The following MTX2 variants were observed in gnomAD, a reference collection of about 807,000 sequenced individuals.
The protein encoded by MTX2 is metaxin-2.
In MTX2, 35 loss-of-function variants were observed where a neutral mutation model predicts 42.3. The ratio of observed to expected loss-of-function variants is 0.83; its 90% confidence interval spans 0.63 to 1.10. The LOEUF (loss-of-function observed/expected upper bound fraction) is 1.10, where lower values mean the gene tolerates loss of function less well. MTX2 is among the 50% of genes least tolerant of loss of function. MTX2 has a pLI of 0.00. For missense variants in MTX2, 307 were observed against 304.1 expected (o/e 1.01, Z -0.07); for synonymous variants, 119 against 100.9 (o/e 1.18, Z -1.08).
chr2:176,326,768 C>T (rs1020502906), intron 4 of MTX2, 57 bp from the exon 5 acceptor site: 6 of 1,094,578 alleles, frequency 5.5e-6, no homozygotes, highest in African/African-American at 3.3e-5. Flanking sequence ...TTTTAATTAT[C>T]ACAAACTTTA....
chr2:176,301,610 G>T (rs1399590185), intron 3 of MTX2, among the ~76,000 whole-genome samples: 8 of 152,094 alleles, frequency 5.3e-5, no homozygotes, highest in Admixed American at 5.2e-4. Flanking sequence ...GGCACAGCTG[G>T]AATGCAGACC....
At chr2:176,309,895 C>T (rs971495534) in intron 3 of MTX2, among the ~76,000 whole-genome samples, 3 of 152,058 alleles carry the variant, frequency 2.0e-5, no homozygotes, top group Admixed American at 2.0e-4. Flanking sequence ...GGGCATTTAG[C>T]CCATTTACAT....
chr2:176,306,870 T>A (rs531126587), intron 3 of MTX2, among the ~76,000 whole-genome samples: 2 of 152,336 alleles, frequency 1.3e-5, no homozygotes, highest in East Asian at 3.9e-4. Flanking sequence ...CTGTTCACTC[T>A]GATGGTAGTT....
intron 1 of MTX2, among the ~76,000 whole-genome samples, chr2:176,292,148 T>G (rs149403559): frequency 1.3e-5 from 2 of 152,124 alleles, no homozygotes; most frequent in Non-Finnish European, 2.9e-5. Context: ...TTTAGAAACT[T>G]TCAGTCTCAC....
chr2:176,285,637 C>CT (rs879442676), intron 1 of MTX2, among the ~76,000 whole-genome samples: 2,137 of 142,418 alleles, frequency 0.015, 37 homozygotes, highest in African/African-American at 0.05. Flanking sequence ...TTGTGTCTGG[C>CT]TTTTTTTTTT....
chr2:176,291,724 T>C (rs1693332587), intron 1 of MTX2, among the ~76,000 whole-genome samples: 1 of 152,118 alleles, frequency 6.6e-6, no homozygotes, highest in South Asian at 2.1e-4. Flanking sequence ...GCAGACCTTA[T>C]GCAACTGCAC....
rs1163365846 is a variant in MTX2 at position 176,282,134 on chromosome 2, T to TG, written c.40+12465_40+12466insG. ...TTTTTAGAGTTACAGTAGTTTTTTT[T>TG]TTTTTTTTTTTTTTTTTTTTGCTGT... On this transcript the variant is annotated intron_variant, in intron 1 of 9. Transcript: ENST00000249442. 4.1e-4 allele frequency among the ~76,000 whole-genome samples: 55 copies of TG among 134,374 alleles called. 1 individual carries two copies. Among genetic ancestry groups the TG allele is most frequent in the African/African-American group, 7.6e-4 (27 of 35,488 alleles). The allele number at this position is 134,374 out of a possible 152,430, so 88.2% of individuals were successfully genotyped here.
chr2:176,271,437 C>T (rs1692803743), intron 1 of MTX2, among the ~76,000 whole-genome samples: 1 of 152,060 alleles, frequency 6.6e-6, no homozygotes. Flanking sequence ...TGATAAAAGA[C>T]ATCTCAAGTT....
In MTX2 at chr2:176,326,385, A is replaced by T. The variant is rs1684705995; in HGVS notation, c.209-440A>T. Among the ~76,000 whole-genome samples, 4 of 151,698 alleles carry T rather than the reference A, an allele frequency of 2.6e-5. No individual in the cohort carries two copies. In the Admixed American group the frequency reaches 2.6e-4, roughly 10 times the overall value. ...TGGGTATCAAAGACTTAAAAGATGT[A>T]AAAAGGTTTTTTAAATGTAGTTTAC... On this transcript the variant is annotated intron_variant, in intron 4 of 9. Coordinates refer to ENST00000249442, the MANE Select transcript of MTX2 (RefSeq NM_006554.5).
rs1693209884 is a variant in MTX2, at chr2:176,286,658, T to TCCTG, written c.41-10198_41-10195dup. Among the ~76,000 whole-genome samples, 3 of 152,016 alleles carry TCCTG rather than the reference T, an allele frequency of 2.0e-5. No individual in the cohort carries two copies. The South Asian group carries it at 6.3e-4, about 32-fold the overall frequency. On this transcript the variant is annotated intron_variant, in intron 1 of 9. Transcript: ENST00000249442. ...TCCGTCTCCCAGGTTCAAGCGATTC[T>TCCTG]CCTGCCTCAGCCTCCCAAGTAGCTG...
chr2:176,329,905 C>CT (rs1197471036), intron 8 of MTX2, among the ~76,000 whole-genome samples: 1 of 148,570 alleles, frequency 6.7e-6, no homozygotes, highest in Non-Finnish European at 1.5e-5. Context: ...ATCTATCTGT[C>CT]TATCTGTCTA....
intron 3 of MTX2, among the ~76,000 whole-genome samples, chr2:176,319,656 A>G (rs529913185): frequency 3.4e-4 from 51 of 151,764 alleles, no homozygotes; most frequent in African/African-American, 9.4e-4. Flanking sequence ...GCTCACTGCA[A>G]CCTCTGCCTC....
chr2:176,270,378 A>G (rs1374515102), intron 1 of MTX2: 1 of 1,363,780 alleles, frequency 7.3e-7, no homozygotes, highest in Non-Finnish European at 9.8e-7. Context: ...CTTTAAAGAA[A>G]TACTTTTGAG....
At chr2:176,270,972 T>C (rs1692791663) in intron 1 of MTX2, among the ~76,000 whole-genome samples, 1 of 152,098 alleles carries the variant, frequency 6.6e-6, no homozygotes, top group African/African-American at 2.4e-5. Flanking sequence ...TTTGCTACTA[T>C]GTTGAAAAAA....
At chr2:176,281,931 TG>T (rs1459132357) in intron 1 of MTX2, among the ~76,000 whole-genome samples, 2 of 152,072 alleles carry the variant, frequency 1.3e-5, no homozygotes, top group Non-Finnish European at 2.9e-5. Flanking sequence ...ATGGAAAGAT[TG>T]AGGATGGAGA....
Position 176,299,110 on chromosome 2 carries a change from C to T in MTX2, c.135+1215C>T, listed in dbSNP as rs866208819. 3.3e-5 allele frequency among the ~76,000 whole-genome samples: 5 copies of T among 152,182 alleles called. No homozygotes were observed. In the Middle Eastern group the frequency reaches 0.017, roughly 518 times the overall value. On this transcript the variant is annotated intron_variant, in intron 3 of 9. Coordinates refer to ENST00000249442, the MANE Select transcript of MTX2 (RefSeq NM_006554.5). ...GGGCAGCTCTTTAGTACTCCCCCTA[C>T]CACCACCCTGTGACATTTGACAATA...
intron 6 of MTX2, 123 bp downstream of exon 6, chr2:176,328,508 G>T (rs149243458): frequency 1.6e-6 from 1 of 606,262 alleles, no homozygotes; most frequent in Non-Finnish European, 2.7e-6. Flanking sequence ...CTAGAGTTGA[G>T]TTGGCTACCT....
chr2:176,333,533 T>C (rs1684909405), intron 9 of MTX2, among the ~76,000 whole-genome samples: 2 of 151,654 alleles, frequency 1.3e-5, no homozygotes, highest in African/African-American at 4.8e-5. Context: ...TAAAAAGACT[T>C]GTTGGAATCA....
chr2:176,302,083 GA>G (rs1684037181), intron 3 of MTX2, among the ~76,000 whole-genome samples: 2 of 150,072 alleles, frequency 1.3e-5, no homozygotes, highest in African/African-American at 4.9e-5. Context: ...GTTTTAGAAA[GA>G]ATTTCGCTTC....
Sources: gnomAD v4.1 joint callset for allele counts (sites outside exome capture counted in the v4.1 genomes callset) on GRCh38, gnomAD v4.1.1 for gene constraint, MANE v1.5 for transcripts, NCBI Gene and HGNC (gene_info 2026-07-23, HGNC 2026-07-21) for gene names.